The following DCK variants were observed in gnomAD, a reference collection of about 807,000 sequenced individuals.
The protein encoded by DCK is deoxycytidine kinase.
In DCK, 23 loss-of-function variants were observed where a neutral mutation model predicts 38.3. The observed-to-expected ratio is 0.60, with a 90% CI of 0.43 to 0.85. The LOEUF (loss-of-function observed/expected upper bound fraction) is 0.85. Among genes scored for constraint, DCK ranks in the 40% least tolerant of loss-of-function variants. DCK has a pLI of 0.00. For synonymous variants in DCK, 108 were observed against 100.6 expected (o/e 1.07, Z -0.44); for missense variants, 259 against 304.4 (o/e 0.85, Z 1.11).
intron 3 of DCK, 46 bp downstream of exon 3, chr4:71,022,606 A>G: frequency 8.6e-7 from 1 of 1,156,220 alleles, no homozygotes; most frequent in Middle Eastern, 2.2e-4. Flanking sequence ...TTTTTATCTT[A>G]GAACTGGACT....
intron 2 of DCK, among the ~76,000 whole-genome samples, chr4:71,002,147 T>A (rs1739817746): frequency 6.6e-6 from 1 of 152,226 alleles, no homozygotes; most frequent in South Asian, 2.1e-4. Flanking sequence ...TTTAGCTGTG[T>A]CCCAGAGATT....
At position 71,022,525 on chromosome 4, in the gene DCK, T is replaced by G. The variant is rs756518796; in HGVS notation, c.366T>G (p.Pro122=). Reference sequence around the variant, plus strand: ...GCAAGCTCAAAGATGCAGAGAAACCTGTATTATTTTTTGAACGATCTGTGT... The same window carrying G: ...GCAAGCTCAAAGATGCAGAGAAACCGGTATTATTTTTTGAACGATCTGTGT... The part of the protein sequence containing the change: ...LNGKLKDAEK[P]VLFFERSVYS... Residue 122 remains proline (P), a synonymous_variant, in exon 3 of 7, where the codon CCT becomes CCG. Coordinates refer to ENST00000286648, the MANE Select transcript of DCK (RefSeq NM_000788.3). 3.1e-6 allele frequency: 5 copies of G among 1,594,694 alleles called. No homozygotes were observed. The East Asian group carries it at 9.0e-5, about 29-fold the overall frequency.
chr4:71,011,766 T>C (rs1226332905), intron 2 of DCK, among the ~76,000 whole-genome samples: 1 of 152,222 alleles, frequency 6.6e-6, no homozygotes, highest in African/African-American at 2.4e-5. Flanking sequence ...AATTAAAAGA[T>C]AAATGATTTT....
At chr4:71,009,534 T>A (rs1050769562) in intron 2 of DCK, among the ~76,000 whole-genome samples, 1 of 152,192 alleles carries the variant, frequency 6.6e-6, no homozygotes, top group Non-Finnish European at 1.5e-5. Flanking sequence ...TTTCTTTCCA[T>A]ATACTTGATT....
intron 2 of DCK, among the ~76,000 whole-genome samples, chr4:71,007,899 G>T (rs765878008): frequency 1.3e-5 from 2 of 152,004 alleles, no homozygotes; most frequent in Non-Finnish European, 2.9e-5. Context: ...GCTAATTTTT[G>T]TATTTTTTAT....
chr4:71,000,465 G>A (rs773409679), intron 2 of DCK, among the ~76,000 whole-genome samples: 6 of 152,140 alleles, frequency 3.9e-5, no homozygotes, highest in Non-Finnish European at 5.9e-5. Context: ...GAGGCCTCAA[G>A]CCTTGTTCTT....
intron 2 of DCK, among the ~76,000 whole-genome samples, chr4:71,000,453 A>C (rs6446989): frequency 1.3e-5 from 2 of 152,086 alleles, no homozygotes; most frequent in Admixed American, 1.3e-4. Flanking sequence ...GTCAGGTAGC[A>C]TGAGGCCTCA....
chr4:71,007,289 A>G (rs1739970022), intron 2 of DCK, among the ~76,000 whole-genome samples: 1 of 152,204 alleles, frequency 6.6e-6, no homozygotes, highest in Non-Finnish European at 1.5e-5. Context: ...CTTTTTAAAA[A>G]CATTTTTGAC....
At chr4:71,017,744 A>G (rs1740308601) in intron 2 of DCK, among the ~76,000 whole-genome samples, 1 of 134,298 alleles carries the variant, frequency 7.4e-6, no homozygotes, top group Admixed American at 8.5e-5. Flanking sequence ...ACTCTTGGAC[A>G]CAGGAATGTG....
chr4:71,006,157 T>TAAGAAA (rs1739936895), intron 2 of DCK, among the ~76,000 whole-genome samples: 1 of 77,998 alleles, frequency 1.3e-5, no homozygotes, highest in Non-Finnish European at 2.6e-5. Context: ...AAAAAGCAAA[T>TAAGAAA]AAGAAAAAGA....
At chr4:70,994,325 C>G (rs1739610047) in intron 1 of DCK, among the ~76,000 whole-genome samples, 1 of 152,208 alleles carries the variant, frequency 6.6e-6, no homozygotes, top group East Asian at 1.9e-4. Flanking sequence ...TCACCATGAT[C>G]GAGATACAGA....
At chr4:71,010,984 T>G (rs1578423117) in intron 2 of DCK, among the ~76,000 whole-genome samples, 1 of 151,320 alleles carries the variant, frequency 6.6e-6, no homozygotes, top group African/African-American at 2.4e-5. Context: ...TCGCTCAGGC[T>G]GAAGTGCAGT....
chr4:71,014,759 A>T (rs1253395720), intron 2 of DCK, among the ~76,000 whole-genome samples: 1 of 152,348 alleles, frequency 6.6e-6, no homozygotes, highest in South Asian at 2.1e-4. Context: ...TCTCTGGGAC[A>T]CATTTAAAGC....
intron 2 of DCK, among the ~76,000 whole-genome samples, chr4:71,003,032 A>G (rs912520141): frequency 1.3e-5 from 2 of 152,148 alleles, no homozygotes; most frequent in African/African-American, 2.4e-5. Context: ...CTGTTAGTTG[A>G]TGCAGTTTCT....
chr4:71,006,203 A>G (rs1739938132), intron 2 of DCK: 1 of 180,480 alleles, frequency 5.5e-6, no homozygotes, highest in African/African-American at 2.4e-5. Flanking sequence ...TTACCTTTCA[A>G]GCCTTTTGTC....
At chr4:71,011,232 CTTTTTTTTTT>C (rs11322673) in intron 2 of DCK, among the ~76,000 whole-genome samples, 1,168 of 93,040 alleles carry the variant, frequency 0.013, 12 homozygotes, top group African/African-American at 0.046. Flanking sequence ...TGTGAGGTCT[CTTTTTTTTTT>C]TTTTTTTTTT....
chr4:71,010,968 G>A (rs1376971782), intron 2 of DCK, among the ~76,000 whole-genome samples: 5 of 146,626 alleles, frequency 3.4e-5, no homozygotes, highest in African/African-American at 5.1e-5. Context: ...ACGGAGTCTC[G>A]TTCTGTCGCT....
intron 2 of DCK, among the ~76,000 whole-genome samples, chr4:71,005,775 T>C (rs1484309722): frequency 6.6e-6 from 1 of 152,046 alleles, no homozygotes; most frequent in Non-Finnish European, 1.5e-5. Context: ...ATGTTTGGAT[T>C]ACAGGCCTGA....
intron 2 of DCK, among the ~76,000 whole-genome samples, chr4:70,999,871 GT>G (rs913278257): frequency 6.7e-6 from 1 of 150,290 alleles, no homozygotes; most frequent in African/African-American, 2.4e-5. Flanking sequence ...TGGGTTGTTT[GT>G]TTTTTTTTCT....
Sources: gnomAD v4.1 joint callset for allele counts (sites outside exome capture counted in the v4.1 genomes callset) on GRCh38, gnomAD v4.1.1 for gene constraint, MANE v1.5 for transcripts, NCBI Gene and HGNC (gene_info 2026-07-23, HGNC 2026-07-21) for gene names.